The following MAGI3 variants were observed in gnomAD, a reference collection of about 807,000 sequenced individuals.
MAGI3 encodes membrane associated guanylate kinase, WW and PDZ domain containing 3.
MAGI3 carries 43 observed loss-of-function variants against 121.8 expected under a neutral mutation model. The ratio of observed to expected loss-of-function variants is 0.35; its 90% CI spans 0.28 to 0.46. MAGI3 has a LOEUF of 0.46. Among genes scored for constraint, MAGI3 ranks in the 20% least tolerant of loss-of-function variants. The probability of loss-of-function intolerance (pLI) is 1.00; values close to 1 mark genes in which losing one functional copy is unlikely to be tolerated. For synonymous variants in MAGI3, 553 were observed against 639.3 expected (o/e 0.86, Z 2.04); for missense variants, 1,547 against 1,797.3 (o/e 0.86, Z 2.52).
chr1:113,614,205 C>T (rs1430861758), intron 6 of MAGI3, among the ~76,000 whole-genome samples: 2 of 152,034 alleles, frequency 1.3e-5, no homozygotes, highest in East Asian at 1.9e-4. Context: ...CTGAACATAA[C>T]ATCAAAAATG....
chr1:113,633,921 C>T (rs1424695438), intron 9 of MAGI3, among the ~76,000 whole-genome samples: 2 of 152,046 alleles, frequency 1.3e-5, no homozygotes, highest in Non-Finnish European at 2.9e-5. Flanking sequence ...TTTTAATGAT[C>T]ACCATTCTAA....
At chr1:113,598,746 C>T (rs956004366) in intron 6 of MAGI3, among the ~76,000 whole-genome samples, 2 of 152,168 alleles carry the variant, frequency 1.3e-5, no homozygotes, top group Non-Finnish European at 2.9e-5. Context: ...CAACACTCCA[C>T]TGACAGCACT....
At chr1:113,511,478 A>G (rs1171968275) in intron 1 of MAGI3, among the ~76,000 whole-genome samples, 2 of 152,216 alleles carry the variant, frequency 1.3e-5, no homozygotes, top group African/African-American at 4.8e-5. Flanking sequence ...ACTTCTGAAG[A>G]AGGGTGCCAC....
chr1:113,439,003 C>G (rs1043284192), intron 1 of MAGI3, among the ~76,000 whole-genome samples: 6 of 152,274 alleles, frequency 3.9e-5, no homozygotes, highest in Non-Finnish European at 7.3e-5. Context: ...TTGGCATATC[C>G]AAATTGCCAG....
intron 1 of MAGI3, among the ~76,000 whole-genome samples, chr1:113,458,710 C>T (rs971113258): frequency 2.6e-5 from 4 of 151,916 alleles, no homozygotes; most frequent in East Asian, 1.9e-4. Flanking sequence ...TTTGTGGATA[C>T]GAGGTCTTAC....
In MAGI3 at chr1:113,642,351, G is replaced by A. The variant is rs372319604; in HGVS notation, c.1801G>A (p.Val601Met). The change falls in exon 10 of 21, where the codon GTG becomes ATG. Residue 601 changes from valine (V) to methionine (M), a missense_variant. Val to Met is a conservative substitution (Grantham distance 21). Transcript: ENST00000307546. Reference sequence around the variant, plus strand: ...TGCTGACAGCCCTACTGGACAGAAGGTGAAAATGATACTGGATAGTCAGTG... The same window carrying A: ...TGCTGACAGCCCTACTGGACAGAAGATGAAAATGATACTGGATAGTCAGTG... ...AIADSPTGQK[V>M]KMILDSQWCQ... 1.9e-6 allele frequency: 3 copies of A among 1,614,052 alleles called. No individual in the cohort carries two copies. Among genetic ancestry groups the A allele is most frequent in the Non-Finnish European group, 2.5e-6 (3 of 1,180,044 alleles).
In MAGI3 at chr1:113,683,020, C is replaced by G; in HGVS notation, c.3452C>G (p.Ser1151Cys). The change falls in exon 21 of 21, where the codon TCT (serine) becomes TGT (cysteine). Residue 1151 changes from serine to cysteine, a missense_variant. Coordinates refer to ENST00000307546, the MANE Select transcript of MAGI3 (RefSeq NM_001142782.2). ...TCTCACGTGCCAGTAATTGAAGAAT[C>G]TTTGAGAGTTCAGATATGTGAAAAG... The part of the protein sequence containing the change: ...EESHVPVIEE[S>C]LRVQICEKAE... 2 of 1,613,908 alleles carry G rather than the reference C, an allele frequency of 1.2e-6. No homozygotes were observed. Among genetic ancestry groups the G allele is most frequent in the Non-Finnish European group, 1.7e-6 (2 of 1,179,868 alleles).
At chr1:113,513,207 T>A (rs147121325) in intron 1 of MAGI3, among the ~76,000 whole-genome samples, 3 of 152,074 alleles carry the variant, frequency 2.0e-5, no homozygotes, top group Non-Finnish European at 4.4e-5. Flanking sequence ...CTGCCCAAGG[T>A]AATTTAGAGA....
At chr1:113,630,818 A>T (rs762208939) in intron 9 of MAGI3, among the ~76,000 whole-genome samples, 4 of 151,344 alleles carry the variant, frequency 2.6e-5, no homozygotes, top group Non-Finnish European at 5.9e-5. Context: ...TGGCGTAAGC[A>T]CTCCCTTAGC....
At chr1:113,639,486 C>G (rs1458294958) in intron 9 of MAGI3, among the ~76,000 whole-genome samples, 1 of 152,240 alleles carries the variant, frequency 6.6e-6, no homozygotes, top group Non-Finnish European at 1.5e-5. Context: ...ATTGCAACCT[C>G]CGCCTCCTGC....
Position 113,401,961 on chromosome 1 carries a change from C to T in MAGI3, c.316+10612C>T, listed in dbSNP as rs74513336. ...TTAAGTGTTTACGCTGTTATGTTTT[C>T]TCTCTGGGCTAAAGTCAGTCACTTG... is the stretch of plus-strand genomic sequence containing the variant. On this transcript the variant is annotated intron_variant, in intron 1 of 20. Transcript: ENST00000307546. 2.6e-3 allele frequency among the ~76,000 whole-genome samples: 394 copies of T among 152,212 alleles called. 2 individuals are homozygous for T. Among genetic ancestry groups the T allele is most frequent in the African/African-American group, 9.1e-3 (378 of 41,538 alleles).
chr1:113,551,433 A>G (rs1013593491), intron 2 of MAGI3, among the ~76,000 whole-genome samples: 2 of 152,248 alleles, frequency 1.3e-5, no homozygotes, highest in Non-Finnish European at 1.5e-5. Flanking sequence ...TCTATAGTTT[A>G]TCCTTCAAAG....
chr1:113,552,507 C>T (rs1659826731), intron 2 of MAGI3, among the ~76,000 whole-genome samples: 1 of 152,152 alleles, frequency 6.6e-6, no homozygotes, highest in South Asian at 2.1e-4. Context: ...AGTTTCATAG[C>T]TCTAGAGCTT....
At chr1:113,655,514 A>G (rs1301837096) in intron 15 of MAGI3, among the ~76,000 whole-genome samples, 2 of 151,320 alleles carry the variant, frequency 1.3e-5, no homozygotes, top group East Asian at 3.9e-4. Context: ...TAATATATTA[A>G]GTATTTTTAT....
chr1:113,434,628 A>G (rs1245623837), intron 1 of MAGI3, among the ~76,000 whole-genome samples: 3 of 152,216 alleles, frequency 2.0e-5, no homozygotes, highest in East Asian at 1.9e-4. Flanking sequence ...TCTATGTTTT[A>G]TAACACACTG....
intron 9 of MAGI3, among the ~76,000 whole-genome samples, chr1:113,633,828 T>C (rs967240962): frequency 8.5e-5 from 13 of 152,182 alleles, no homozygotes; most frequent in African/African-American, 3.1e-4. Context: ...TCCACAAGGG[T>C]TGAACTAGTT....
chr1:113,580,805 G>A, intron 3 of MAGI3, 144 bp downstream of exon 3: 1 of 589,302 alleles, frequency 1.7e-6, no homozygotes, highest in Non-Finnish European at 2.6e-6. Context: ...TTTTGATGGG[G>A]AGATTTGTAA....
At chr1:113,429,196 T>C (rs777726551) in intron 1 of MAGI3, among the ~76,000 whole-genome samples, 2 of 152,254 alleles carry the variant, frequency 1.3e-5, no homozygotes, top group Non-Finnish European at 2.9e-5. Flanking sequence ...CAATGTCCAC[T>C]AGCATTTTTT....
chr1:113,476,693 A>G (rs558088485), intron 1 of MAGI3, among the ~76,000 whole-genome samples: 2 of 152,332 alleles, frequency 1.3e-5, no homozygotes, highest in South Asian at 4.1e-4. Flanking sequence ...AAGAATGTAT[A>G]TTCTGTTGAT....
Sources: gnomAD v4.1 joint callset for allele counts (sites outside exome capture counted in the v4.1 genomes callset) on GRCh38, gnomAD v4.1.1 for gene constraint, MANE v1.5 for transcripts, NCBI Gene and HGNC (gene_info 2026-07-23, HGNC 2026-07-21) for gene names.